The following NBPF8 variants were observed in gnomAD, a reference collection of about 807,000 sequenced individuals.
NBPF8 encodes NBPF member 8, also known as NBPF family member NBPF8.
upstream of NBPF8, among the ~76,000 whole-genome samples, chr1:120,415,377 G>T (rs1318609498): frequency 2.0e-5 from 3 of 152,058 alleles, no homozygotes; most frequent in East Asian, 5.8e-4. Flanking sequence ...GAGCGACGGA[G>T]GGCGAGGCGG....
At position 120,466,217 on chromosome 1, in the gene NBPF8, A is replaced by T. The variant is rs1335450558; in HGVS notation, n.3808A>T. ...TTCCAGATGGGAGTCATATTCCCAC[A>T]ATAAGCAGCCCTTACTAAGCCGAGA... is the stretch of plus-strand genomic sequence containing the variant. On this transcript the variant is annotated non_coding_transcript_exon_variant, in exon 25 of 25. Transcript: ENST00000583271. The T allele has an allele frequency of 2.5e-6, 4 of 1,608,442 alleles. No individual in the cohort carries two copies. In the Admixed American group the frequency reaches 6.7e-5, roughly 27 times the overall value.
chr1:120,421,967 C>T (rs1570924669), intron 1 of NBPF8, among the ~76,000 whole-genome samples: 1 of 152,042 alleles, frequency 6.6e-6, no homozygotes, highest in African/African-American at 2.4e-5. Context: ...TCTCCAACTG[C>T]TCTGACTCCA....
chr1:120,449,928 A>T (rs1296248753), intron 11 of NBPF8, among the ~76,000 whole-genome samples: 16 of 152,178 alleles, frequency 1.1e-4, no homozygotes, highest in African/African-American at 3.9e-4. Context: ...AAGTGACAGC[A>T]TCAAGAGCAG....
rs1355170523 is a variant in NBPF8 at position 120,457,780 on chromosome 1, A to T, written n.2621-1587A>T. ...ATACACACAAAAAATAATAAAGGAA[A>T]ACTATACATATGGAAAAAAAAAAGA... On this transcript the variant is annotated intron_variant and non_coding_transcript_variant, in intron 16 of 24. Transcript: ENST00000583271. Among the ~76,000 whole-genome samples, 11 of 58,894 alleles carry T rather than the reference A, an allele frequency of 1.9e-4. 1 individual carries two copies. The highest frequency in any genetic ancestry group is 3.7e-4 in the African/African-American group (3 of 8,064). 38.6% of individuals were successfully genotyped at this position (58,894 alleles called of 152,430 possible). A position where few individuals can be genotyped will look rare whatever the true frequency, so the allele number is the denominator to read the frequency against.
chr1:120,416,198 AC>A (rs1335730585), upstream of NBPF8, among the ~76,000 whole-genome samples: 2 of 148,776 alleles, frequency 1.3e-5, no homozygotes, highest in African/African-American at 5.0e-5. Flanking sequence ...TCACCAGTGA[AC>A]CAGAAGCTCT....
chr1:120,429,494 G>A (rs1436168995), intron 3 of NBPF8, among the ~76,000 whole-genome samples: 2 of 152,194 alleles, frequency 1.3e-5, no homozygotes, highest in Non-Finnish European at 2.9e-5. Context: ...ACAGGGTTCT[G>A]GAAGAGTAGA....
chr1:120,436,236 T>C, upstream of NBPF8: 4 of 612,616 alleles, frequency 6.5e-6, no homozygotes, highest in Non-Finnish European at 8.6e-6. Context: ...CTGCAGACGG[T>C]TACCTGGCAC....
chr1:120,428,724 G>A lies in NBPF8; in HGVS notation n.510+877G>A, dbSNP rs1699845. Among the ~76,000 whole-genome samples the A allele has an allele frequency of 2.4e-3, 365 of 150,852 alleles. 2 individuals are homozygous for A. Among genetic ancestry groups the A allele is most frequent in the African/African-American group, 8.4e-3 (340 of 40,654 alleles). ...GAGCATCTCTTCTATTCTCTTGCAC[G>A]TTCCCTCAGCCTGTCAGTCTCTGTG... On this transcript the variant is annotated intron_variant and non_coding_transcript_variant, in intron 3 of 28. Transcript: ENST00000652355.
chr1:120,457,736 AAT>A (rs1413536025), intron 16 of NBPF8, among the ~76,000 whole-genome samples: 71 of 53,698 alleles, frequency 1.3e-3, no homozygotes, highest in South Asian at 4.9e-3. Context: ...TTAAAAAAAA[AAT>A]ATATATATAT....
chr1:120,422,952 C>G (rs1660614746), intron 1 of NBPF8, among the ~76,000 whole-genome samples: 31 of 50,746 alleles, frequency 6.1e-4, no homozygotes, highest in African/African-American at 3.9e-3. Context: ...GTGTTCAGAT[C>G]TTTCACCTTT....
At chr1:120,455,896 G>T (rs1360049722) in intron 16 of NBPF8, among the ~76,000 whole-genome samples, 154 of 152,048 alleles carry the variant, frequency 1.0e-3, no homozygotes, top group Non-Finnish European at 2.0e-3. Context: ...GCTTTCTCTT[G>T]TGGGCATTTA....
intron 3 of NBPF8, among the ~76,000 whole-genome samples, chr1:120,428,110 T>A (rs1660771306): frequency 6.6e-6 from 1 of 152,172 alleles, no homozygotes; most frequent in East Asian, 1.9e-4. Context: ...CCTTGTTTCC[T>A]TTTTAAGATG....
At chr1:120,455,817 GA>G (rs1661420575) in intron 16 of NBPF8, among the ~76,000 whole-genome samples, 1 of 151,308 alleles carries the variant, frequency 6.6e-6, no homozygotes, top group South Asian at 2.1e-4. Context: ...GCTAGCTTTT[GA>G]ATTTGTTTGC....
chr1:120,418,796 C>T (rs1660494701), upstream of NBPF8, among the ~76,000 whole-genome samples: 1 of 149,540 alleles, frequency 6.7e-6, no homozygotes, highest in African/African-American at 2.5e-5. Flanking sequence ...GACCCTCCCA[C>T]CTTGGCATCT....
upstream of NBPF8, among the ~76,000 whole-genome samples, chr1:120,418,892 T>C (rs1660497567): frequency 6.6e-6 from 1 of 151,920 alleles, no homozygotes; most frequent in African/African-American, 2.4e-5. Context: ...TTAAAAGATT[T>C]ACTAAAATCT....
chr1:120,426,410 T>A (rs1660729517), intron 2 of NBPF8, among the ~76,000 whole-genome samples: 1 of 151,004 alleles, frequency 6.6e-6, no homozygotes, highest in Admixed American at 6.6e-5. Flanking sequence ...CTCACCATCT[T>A]AAAGTCATAT....
At chr1:120,435,719 A>T (rs1272764995), upstream of NBPF8, among the ~76,000 whole-genome samples, 3,806 of 151,934 alleles carry the variant, frequency 0.025, 69 homozygotes, top group East Asian at 0.085. Flanking sequence ...AAGAAAAATT[A>T]GCCAGGCGTG....
At position 120,461,139 on chromosome 1, in the gene NBPF8, T is replaced by C. The variant is rs1661578605; in HGVS notation, n.2837-115T>C. The C allele has an allele frequency of 6.4e-6, 4 of 621,424 alleles. No homozygotes were observed. In the South Asian group the frequency reaches 7.1e-5, roughly 11 times the overall value. The allele number at this position is 621,424 out of a possible 1,614,324, so 38.5% of individuals were successfully genotyped here. On this transcript the variant is annotated intron_variant and non_coding_transcript_variant, in intron 18 of 24. Coordinates refer to ENST00000583271, the Ensembl canonical transcript of NBPF8. Reference sequence around the variant, plus strand: ...AGGCAATAATTTGTTACCTCATTAATGGATCTGTCCTTTTTCTTTTCAAAC... The same window carrying C: ...AGGCAATAATTTGTTACCTCATTAACGGATCTGTCCTTTTTCTTTTCAAAC...
At position 120,431,218 on chromosome 1, in the gene NBPF8, C is replaced by CAT. The variant is rs771903464; in HGVS notation, n.510+3380_510+3381dup. Reference sequence around the variant, plus strand: ...ATGTATGTCTAATTGATTCTTAGGACATATATATATGTATACACACATACA... The same window carrying CAT: ...ATGTATGTCTAATTGATTCTTAGGACATATATATATATGTATACACACATACA... On this transcript the variant is annotated intron_variant and non_coding_transcript_variant, in intron 3 of 28. Transcript: ENST00000652355. Among the ~76,000 whole-genome samples the CAT allele has an allele frequency of 9.0e-3, 1,247 of 138,888 alleles. 19 individuals carry two copies. Among genetic ancestry groups the CAT allele is most frequent in the African/African-American group, 0.032 (1,178 of 36,430 alleles). 91.1% of individuals were successfully genotyped at this position (138,888 alleles called of 152,430 possible). A position where few individuals can be genotyped will look rare whatever the true frequency, so the allele number is the denominator to read the frequency against.
Sources: allele counts gnomAD v4.1 joint callset (sites outside exome capture counted in the v4.1 genomes callset), GRCh38; gene constraint gnomAD v4.1.1; transcripts MANE v1.5; gene names NCBI Gene and HGNC (gene_info 2026-07-23, HGNC 2026-07-21).